NRXN1: variants seen among roughly 807,000 people sequenced by gnomAD.
The protein encoded by NRXN1 is neurexin 1, also known as neurexin-1.
A neutral mutation model predicts 150.9 loss-of-function variants in NRXN1; 39 were observed. The ratio of observed to expected loss-of-function variants is 0.26; its 90% CI spans 0.20 to 0.34. NRXN1 has a LOEUF of 0.34. Ranked by LOEUF, NRXN1 falls within the 10% of genes least tolerant of loss-of-function variation. The pLI is 1.00. For missense variants in NRXN1, 1,815 were observed against 1,949.9 expected (o/e 0.93, Z 1.30); for synonymous variants, 924 against 757.0 (o/e 1.22, Z -3.62).
chr2:50,204,624 T>C (rs995547432), intron 18 of NRXN1, among the ~76,000 whole-genome samples: 4 of 152,100 alleles, frequency 2.6e-5, no homozygotes. Context: ...GTATAAACTT[T>C]TCTGGATATG....
chr2:50,816,946 A>T (rs1669019765), intron 5 of NRXN1, among the ~76,000 whole-genome samples: 2 of 152,114 alleles, frequency 1.3e-5, no homozygotes, highest in African/African-American at 2.4e-5. Context: ...ATTATGTTTA[A>T]GGTCTTTGAG....
At chr2:50,602,870 T>C (rs1212585822) in intron 8 of NRXN1, among the ~76,000 whole-genome samples, 3 of 152,194 alleles carry the variant, frequency 2.0e-5, no homozygotes, top group African/African-American at 7.2e-5. Flanking sequence ...GGATGGCTTC[T>C]CACTCTTTGA....
At chr2:50,731,602 T>A (rs1698122164) in intron 5 of NRXN1, among the ~76,000 whole-genome samples, 1 of 152,162 alleles carries the variant, frequency 6.6e-6, no homozygotes, top group Non-Finnish European at 1.5e-5. Context: ...AGGGATAATG[T>A]GCATTAGCAT....
At chr2:50,465,963 A>C (rs569641076) in intron 16 of NRXN1, among the ~76,000 whole-genome samples, 253 of 151,994 alleles carry the variant, frequency 1.7e-3, no homozygotes, top group African/African-American at 5.7e-3. Context: ...ACTTCATGAA[A>C]TTGAGATAAG....
chr2:50,552,080 A>G (rs1273099250), intron 9 of NRXN1, among the ~76,000 whole-genome samples: 1 of 152,218 alleles, frequency 6.6e-6, no homozygotes. Flanking sequence ...AGGGCAGCAG[A>G]GCTTTGCCAC....
intron 5 of NRXN1, among the ~76,000 whole-genome samples, chr2:50,785,294 G>A (rs549120873): frequency 1.3e-4 from 15 of 117,572 alleles, no homozygotes; most frequent in South Asian, 5.8e-4. Context: ...TGTCGCCCCC[G>A]CTGGAGTGCA....
At chr2:50,888,857 CT>C (rs778428790) in intron 5 of NRXN1, among the ~76,000 whole-genome samples, 1 of 151,572 alleles carries the variant, frequency 6.6e-6, no homozygotes, top group African/African-American at 2.4e-5. Flanking sequence ...TAAGAAATGG[CT>C]TCCTTTAACC....
chr2:50,531,356 C>T lies in NRXN1; in HGVS notation c.2218G>A (p.Glu740Lys), dbSNP rs1337598685. ...QLPVVMHTEA[E>K]DVSLRFRSQR... Reference sequence around the variant, plus strand: ...GATCGGAACCGTAAGGAAACATCCTCAGCCTCCGTATGCATGACTACGGGG... The same window carrying T: ...GATCGGAACCGTAAGGAAACATCCTTAGCCTCCGTATGCATGACTACGGGG... Residue 740 changes from glutamate to lysine, a missense_variant, in exon 11 of 23, where the codon GAG becomes AAG. This residue lies in a region of NRXN1 where 638 missense variants were observed against 652.6 expected (regional missense o/e 0.98). Coordinates refer to ENST00000401669, the MANE Select transcript of NRXN1 (RefSeq NM_001330078.2). 6.2e-7 allele frequency: 1 copy of T among 1,613,140 alleles called. No homozygotes were observed. The highest frequency in any genetic ancestry group is 8.5e-7 in the Non-Finnish European group (1 of 1,179,646).
intron 18 of NRXN1, among the ~76,000 whole-genome samples, chr2:50,154,055 T>G (rs1356435226): frequency 2.6e-5 from 4 of 151,778 alleles, no homozygotes; most frequent in East Asian, 1.9e-4. Flanking sequence ...TATACACCTT[T>G]AATAGACTCC....
At chr2:49,957,039 T>C (rs1286828429) in intron 21 of NRXN1, among the ~76,000 whole-genome samples, 2 of 152,134 alleles carry the variant, frequency 1.3e-5, no homozygotes, top group African/African-American at 4.8e-5. Flanking sequence ...CAGGCATCCC[T>C]GCTTTGAATT....
intron 2 of NRXN1, among the ~76,000 whole-genome samples, chr2:51,016,969 C>A (rs922517852): frequency 1.1e-4 from 17 of 152,012 alleles, no homozygotes; most frequent in African/African-American, 4.1e-4. Flanking sequence ...ATGGATGAAG[C>A]TGGAAACCAT....
In NRXN1 at chr2:50,765,207, G is replaced by A. The variant is rs575224439; in HGVS notation, c.833-141592C>T. Among the ~76,000 whole-genome samples, 3 of 152,042 alleles carry A rather than the reference G, an allele frequency of 2.0e-5. No homozygotes were observed. In the East Asian group the frequency reaches 5.9e-4, roughly 30 times the overall value. On this transcript the variant is annotated intron_variant, in intron 5 of 22. Transcript: ENST00000401669. ...GGGAAAACCTTACTTTCCTTCTCCT[G>A]TTCTAGTACGCTTTACCAGATGCTC... is the stretch of plus-strand genomic sequence containing the variant.
intron 5 of NRXN1, among the ~76,000 whole-genome samples, chr2:50,637,124 T>C (rs1015896671): frequency 3.3e-5 from 5 of 152,168 alleles, no homozygotes; most frequent in Non-Finnish European, 5.9e-5. Context: ...TCTGACTTTA[T>C]TTCAATATAA....
intron 8 of NRXN1, among the ~76,000 whole-genome samples, chr2:50,580,522 C>G (rs772037554): frequency 8.5e-5 from 13 of 152,074 alleles, no homozygotes; most frequent in Non-Finnish European, 1.9e-4. Flanking sequence ...AGAAATAAAA[C>G]TGAGTGGGAC....
intron 7 of NRXN1, 94 bp from the exon 8 acceptor site, chr2:50,620,277 TTTG>T (rs964188899): frequency 9.9e-6 from 13 of 1,310,030 alleles, no homozygotes; most frequent in Non-Finnish European, 2.1e-6. Context: ...CTTTTGTTTT[TTTG>T]TTTTGTTTTG....
At chr2:49,962,884 T>C (rs1314695864) in intron 21 of NRXN1, among the ~76,000 whole-genome samples, 2 of 151,944 alleles carry the variant, frequency 1.3e-5, no homozygotes, top group East Asian at 3.9e-4. Context: ...GCCCAGGATA[T>C]GGAGACAGCA....
At chr2:50,283,812 A>G (rs1321102242) in intron 17 of NRXN1, among the ~76,000 whole-genome samples, 1 of 152,130 alleles carries the variant, frequency 6.6e-6, no homozygotes, top group Non-Finnish European at 1.5e-5. Flanking sequence ...TGTAGCCCCT[A>G]TTAAAAGTCC....
intron 5 of NRXN1, among the ~76,000 whole-genome samples, chr2:50,702,003 C>A (rs951405609): frequency 1.3e-5 from 2 of 152,026 alleles, no homozygotes; most frequent in Admixed American, 1.3e-4. Flanking sequence ...TGTATCTTTA[C>A]AAACTAATGA....
At chr2:50,440,779 A>C (rs904662976) in intron 17 of NRXN1, among the ~76,000 whole-genome samples, 22 of 152,148 alleles carry the variant, frequency 1.4e-4, no homozygotes, top group Admixed American at 4.6e-4. Context: ...TGATTTATGA[A>C]AAGGTGCACA....
Sources: allele counts gnomAD v4.1 joint callset (sites outside exome capture counted in the v4.1 genomes callset), GRCh38; gene constraint gnomAD v4.1.1; regional missense constraint gnomAD v4.1.1; transcripts MANE v1.5; gene names NCBI Gene and HGNC (gene_info 2026-07-23, HGNC 2026-07-21).